LOC400499: variants seen among roughly 807,000 people sequenced by gnomAD.
the LOC400499 span, among the ~76,000 whole-genome samples, chr16:11,397,793 G>T: frequency 0.031 from 4,291 of 140,004 alleles, 284 homozygotes; most frequent in African/African-American, 0.092. Context: ...GAGGGAGGGA[G>T]GGAGGGATGG....
the LOC400499 span, among the ~76,000 whole-genome samples, chr16:11,375,755 A>C: frequency 8.3e-6 from 1 of 119,852 alleles, no homozygotes; most frequent in Non-Finnish European, 1.8e-5. Context: ...TTTGAGATGG[A>C]GTTCGCTCTT....
chr16:11,513,277 C>G, the LOC400499 span, among the ~76,000 whole-genome samples: 1 of 151,940 alleles, frequency 6.6e-6, no homozygotes, highest in African/African-American at 2.4e-5. Flanking sequence ...TGGTGCTGTG[C>G]ACCTGTAGTC....
the LOC400499 span, chr16:11,440,752 G>T: frequency 2.5e-6 from 1 of 398,954 alleles, no homozygotes; most frequent in Non-Finnish European, 4.4e-6. Context: ...ATTGACGGCA[G>T]CTCGTGCATC....
chr16:11,495,372 G>C, the LOC400499 span, among the ~76,000 whole-genome samples: 2 of 149,978 alleles, frequency 1.3e-5, no homozygotes, highest in African/African-American at 2.5e-5. Context: ...AGAGAAATCA[G>C]ACCAACAAAT....
chr16:11,465,780 G>C, the LOC400499 span, among the ~76,000 whole-genome samples: 9 of 141,404 alleles, frequency 6.4e-5, no homozygotes, highest in South Asian at 2.2e-3. Flanking sequence ...GGTGGGCAGA[G>C]AGGGAAAAGA....
chr16:11,463,939 C>T, the LOC400499 span, among the ~76,000 whole-genome samples: 6 of 151,888 alleles, frequency 4.0e-5, no homozygotes, highest in South Asian at 2.1e-4. Context: ...TGTATATGGA[C>T]GTGTGTACAC....
At chr16:11,461,225 T>TG in the LOC400499 span, 3 of 1,381,646 alleles carry the variant, frequency 2.2e-6, no homozygotes, top group Non-Finnish European at 2.9e-6. Context: ...GCCTTGGGGT[T>TG]GGGGGCTCCT....
At chr16:11,411,473 C>G in the LOC400499 span, 1 of 396,806 alleles carries the variant, frequency 2.5e-6, no homozygotes, top group African/African-American at 2.1e-5. Flanking sequence ...GGGCTATTCA[C>G]ACACCCCGAG....
the LOC400499 span, among the ~76,000 whole-genome samples, chr16:11,390,859 G>C: frequency 2.0e-5 from 3 of 152,312 alleles, no homozygotes; most frequent in Admixed American, 6.5e-5. Context: ...TAAAAACCCT[G>C]GGTGCTGAGT....
the LOC400499 span, among the ~76,000 whole-genome samples, chr16:11,388,629 C>T: frequency 6.6e-6 from 1 of 152,162 alleles, no homozygotes; most frequent in Admixed American, 6.5e-5. Flanking sequence ...GTGTTCTCAA[C>T]ACAGGGGCCA....
the LOC400499 span, among the ~76,000 whole-genome samples, chr16:11,413,750 G>A: frequency 6.6e-6 from 1 of 152,194 alleles, no homozygotes; most frequent in African/African-American, 2.4e-5. Context: ...CTTCATCACA[G>A]CAGGTGCTTA....
chr16:11,382,740 G>A, the LOC400499 span, among the ~76,000 whole-genome samples: 1 of 152,126 alleles, frequency 6.6e-6, no homozygotes, highest in African/African-American at 2.4e-5. Flanking sequence ...AACCCAGGAG[G>A]TGGAAGTTGC....
the LOC400499 span, chr16:11,387,015 G>T: frequency 1.0e-6 from 1 of 971,768 alleles, no homozygotes; most frequent in Non-Finnish European, 1.3e-6. Context: ...CTCTGGGCCT[G>T]GCACTGTGAT....
chr16:11,466,233 G>A, the LOC400499 span, among the ~76,000 whole-genome samples: 1 of 152,184 alleles, frequency 6.6e-6, no homozygotes, highest in Non-Finnish European at 1.5e-5. Context: ...TTTCAGGAGG[G>A]GTGGGAGAGA....
chr16:11,469,771 A>G, the LOC400499 span: 1 of 397,910 alleles, frequency 2.5e-6, no homozygotes, highest in Non-Finnish European at 4.4e-6. Context: ...CTCAGGCTTG[A>G]AAACTGCCTG....
At chr16:11,515,510 C>T in the LOC400499 span, among the ~76,000 whole-genome samples, 1 of 151,056 alleles carries the variant, frequency 6.6e-6, no homozygotes, top group African/African-American at 2.4e-5. Flanking sequence ...TACGTACATA[C>T]ATACATACAT....
the LOC400499 span, chr16:11,387,214 G>C: frequency 3.5e-5 from 43 of 1,232,192 alleles, no homozygotes; most frequent in Admixed American, 8.4e-5. Context: ...TCTCCTCCAT[G>C]AGGTAGCTGG....
At chr16:11,372,791 G>C in the LOC400499 span, 1 of 893,694 alleles carries the variant, frequency 1.1e-6, no homozygotes, top group South Asian at 5.1e-5. Flanking sequence ...GAGGAGAGGG[G>C]CCCCTGCTGT....
the LOC400499 span, chr16:11,424,247 G>A: frequency 2.3e-5 from 9 of 399,200 alleles, no homozygotes; most frequent in African/African-American, 6.1e-5. Context: ...CAATGGCACC[G>A]TCTAGCTGAG....
Sources: gnomAD v4.1 joint callset for allele counts (sites outside exome capture counted in the v4.1 genomes callset) on GRCh38, gnomAD v4.1.1 for gene constraint, MANE v1.5 for transcripts.